The following JARID2 variants were observed in gnomAD, a reference collection of about 807,000 sequenced individuals.
JARID2 encodes the protein protein Jumonji.
JARID2 carries 21 observed loss-of-function variants against 125.6 expected under a neutral mutation model. That is an observed-to-expected ratio of 0.17 (90% confidence interval 0.12 to 0.24). JARID2 has a LOEUF of 0.24. Among genes scored for constraint, JARID2 ranks in the 10% least tolerant of loss-of-function variants. The pLI is 1.00. For synonymous variants in JARID2, 736 were observed against 661.6 expected, an observed-to-expected ratio of 1.11 and a Z score of -1.73; for missense variants, 1,303 against 1,639.6, an observed-to-expected ratio of 0.79 and a Z score of 3.55.
At position 15,511,342 on chromosome 6, in the gene JARID2, C is replaced by T; in HGVS notation, c.2893C>T (p.His965Tyr). ...GGAGAACAAGCTGGAAGATGTGGTCCACACCCTGCTGCAAGCCAATGGCAC... is the reference window on the plus strand; with the variant it reads ...GGAGAACAAGCTGGAAGATGTGGTCTACACCCTGCTGCAAGCCAATGGCAC... ...EEENKLEDVV[H>Y]TLLQANGTPG... The change falls in exon 13 of 18, where the codon CAC becomes TAC. Residue 965 changes from histidine to tyrosine, a missense_variant. Around this residue, in one of 11 missense-constraint regions of JARID2, gnomAD observed 190 missense variants for 341.4 expected, o/e 0.56. Transcript: ENST00000341776. 6.2e-7 allele frequency: 1 copy of T among 1,613,988 alleles called. No homozygotes were observed. Among genetic ancestry groups the T allele is most frequent in the Non-Finnish European group, 8.5e-7 (1 of 1,179,976 alleles).
intron 1 of JARID2, among the ~76,000 whole-genome samples, chr6:15,310,468 G>A (rs544494566): frequency 2.4e-4 from 36 of 152,276 alleles, no homozygotes; most frequent in African/African-American, 8.2e-4. Context: ...AGGAAAATGC[G>A]AGCTGAATTA....
chr6:15,360,084 A>G (rs1042933424), intron 1 of JARID2, among the ~76,000 whole-genome samples: 1 of 152,198 alleles, frequency 6.6e-6, no homozygotes, highest in Non-Finnish European at 1.5e-5. Flanking sequence ...AGATTTTCAG[A>G]GAATGGCTCT....
chr6:15,339,935 C>A (rs935358120), intron 1 of JARID2, among the ~76,000 whole-genome samples: 1 of 152,070 alleles, frequency 6.6e-6, no homozygotes, highest in African/African-American at 2.4e-5. Flanking sequence ...TAGTATATTT[C>A]ACTTCTTATC....
intron 1 of JARID2, among the ~76,000 whole-genome samples, chr6:15,319,877 G>T (rs924980811): frequency 2.3e-4 from 35 of 152,198 alleles, no homozygotes; most frequent in Non-Finnish European, 8.8e-5. Context: ...CAGTCATCAA[G>T]GCTTCTTGCT....
At chr6:15,253,724 C>G (rs1015946870) in intron 1 of JARID2, among the ~76,000 whole-genome samples, 3 of 152,010 alleles carry the variant, frequency 2.0e-5, no homozygotes, top group Non-Finnish European at 4.4e-5. Context: ...AAGAAATGTC[C>G]CAGAAAAGCA....
chr6:15,358,919 C>T (rs565234036), intron 1 of JARID2, among the ~76,000 whole-genome samples: 1 of 152,272 alleles, frequency 6.6e-6, no homozygotes, highest in Admixed American at 6.5e-5. Flanking sequence ...CAGGCCATAC[C>T]CCAACCAGTT....
At position 15,419,557 on chromosome 6, in the gene JARID2, C is replaced by T. The variant is rs80142787; in HGVS notation, c.323+9192C>T. 7.2e-3 allele frequency among the ~76,000 whole-genome samples: 1,100 copies of T among 152,244 alleles called. 14 individuals carry two copies. Among genetic ancestry groups the T allele is most frequent in the African/African-American group, 0.025 (1,046 of 41,530 alleles). On this transcript the variant is annotated intron_variant, in intron 3 of 17. Coordinates refer to ENST00000341776, the MANE Select transcript of JARID2 (RefSeq NM_004973.4). ...AGCTTTTGTATGTCTGGGAAGATCT[C>T]ATTTCACCCACATTAAAAAAATACT...
At chr6:15,512,127 AG>A (rs1333850773) in intron 13 of JARID2, 80 bp from the exon 14 acceptor site, 2 of 1,178,290 alleles carry the variant, frequency 1.7e-6, no homozygotes, top group Admixed American at 4.6e-5. Context: ...CAGGCCTCTT[AG>A]GGTGCGCATA....
chr6:15,341,748 G>A (rs1275258101), intron 1 of JARID2, among the ~76,000 whole-genome samples: 2 of 152,160 alleles, frequency 1.3e-5, no homozygotes, highest in South Asian at 2.1e-4. Flanking sequence ...AGTAGTGCCC[G>A]CTTAAGGGCA....
intron 3 of JARID2, among the ~76,000 whole-genome samples, chr6:15,447,876 T>G (rs1767743253): frequency 6.6e-6 from 1 of 152,240 alleles, no homozygotes; most frequent in Admixed American, 6.5e-5. Context: ...GCAAATATTG[T>G]GAGTTTTCAG....
intron 1 of JARID2, among the ~76,000 whole-genome samples, chr6:15,368,903 C>G (rs1764068623): frequency 6.6e-6 from 1 of 152,010 alleles, no homozygotes; most frequent in African/African-American, 2.4e-5. Context: ...CCAGAATCAT[C>G]TGGGCATCAG....
intron 13 of JARID2, among the ~76,000 whole-genome samples, 181 bp from the exon 14 acceptor site, chr6:15,512,027 T>G (rs1416428252): frequency 1.3e-5 from 2 of 152,228 alleles, no homozygotes; most frequent in Admixed American, 1.3e-4. Flanking sequence ...CTGTCATCAC[T>G]CTTGGACCAG....
intron 4 of JARID2, among the ~76,000 whole-genome samples, chr6:15,453,199 G>A (rs1261505879): frequency 6.6e-6 from 1 of 152,210 alleles, no homozygotes; most frequent in Admixed American, 6.5e-5. Context: ...TGTTCTGAAG[G>A]TGCTTTGTAA....
chr6:15,342,507 C>G (rs1257032037), intron 1 of JARID2, among the ~76,000 whole-genome samples: 1 of 152,160 alleles, frequency 6.6e-6, no homozygotes, highest in Non-Finnish European at 1.5e-5. Flanking sequence ...GTATCTAATT[C>G]AAACTAATTA....
chr6:15,264,612 A>AGTGT (rs148424538), intron 1 of JARID2, among the ~76,000 whole-genome samples: 21,066 of 145,944 alleles, frequency 0.14, 1,684 homozygotes, highest in African/African-American at 0.23. Flanking sequence ...GGTAGGTGTG[A>AGTGT]GTGTGTGTGT....
intron 2 of JARID2, among the ~76,000 whole-genome samples, chr6:15,388,266 T>C (rs1339859437): frequency 6.6e-6 from 1 of 152,202 alleles, no homozygotes; most frequent in African/African-American, 2.4e-5. Flanking sequence ...TAACCTGTTA[T>C]TACTTGAGCC....
rs547675786 is a variant in JARID2 at position 15,500,071 on chromosome 6, A to T, written c.1946-836A>T. On this transcript the variant is annotated intron_variant, in intron 7 of 17. Transcript: ENST00000341776. ...GTATTTTGTTGATGGTTATTTTGGA[A>T]AATCTCCCCTACCCCCCTTCCTTTA... is the stretch of plus-strand genomic sequence containing the variant. 3.9e-5 allele frequency among the ~76,000 whole-genome samples: 6 copies of T among 152,336 alleles called. No individual in the cohort carries two copies. In the East Asian group the frequency reaches 1.2e-3, roughly 29 times the overall value.
intron 1 of JARID2, chr6:15,314,885 C>G (rs1762128589): frequency 6.6e-6 from 1 of 152,090 alleles, no homozygotes; most frequent in Admixed American, 6.5e-5. Flanking sequence ...GTTGGGGTTG[C>G]CGTTATAGAA....
intron 1 of JARID2, among the ~76,000 whole-genome samples, chr6:15,267,267 T>A (rs1390453914): frequency 6.6e-6 from 1 of 152,062 alleles, no homozygotes; most frequent in Non-Finnish European, 1.5e-5. Context: ...AAAAAGAAAA[T>A]CTTAAAGCGG....
Sources: allele counts gnomAD v4.1 joint callset (sites outside exome capture counted in the v4.1 genomes callset), GRCh38; gene constraint gnomAD v4.1.1; regional missense constraint gnomAD v4.1.1; transcripts MANE v1.5; gene names NCBI Gene and HGNC (gene_info 2026-07-23, HGNC 2026-07-21).